KPNA3: variants seen among roughly 807,000 people sequenced by gnomAD.
KPNA3 encodes karyopherin subunit alpha 3, also known as importin subunit alpha-4.
Under a neutral mutation model 73.8 loss-of-function variants are expected in KPNA3, and 13 were observed. The ratio of observed to expected loss-of-function variants is 0.18; its 90% CI spans 0.11 to 0.28. The LOEUF is 0.28. Ranked by LOEUF, KPNA3 falls within the 10% of genes least tolerant of loss-of-function variation. The pLI is 1.00. For missense variants in KPNA3, 360 were observed against 618.1 expected (o/e 0.58, Z 4.43); for synonymous variants, 186 against 206.9 (o/e 0.90, Z 0.87).
intron 10 of KPNA3, among the ~76,000 whole-genome samples, chr13:49,715,099 C>G (rs1954293373): frequency 6.6e-6 from 1 of 151,062 alleles, no homozygotes; most frequent in African/African-American, 2.4e-5. Flanking sequence ...GATAGAACAC[C>G]CAAAAAAGGA....
chr13:49,762,820 T>C (rs1433835654), intron 1 of KPNA3, among the ~76,000 whole-genome samples: 1 of 151,026 alleles, frequency 6.6e-6, no homozygotes, highest in Non-Finnish European at 1.5e-5. Context: ...CCTATGACCC[T>C]GCCAAATCCC....
At chr13:49,730,549 A>G (rs1458658291) in intron 6 of KPNA3, among the ~76,000 whole-genome samples, 8 of 139,472 alleles carry the variant, frequency 5.7e-5, no homozygotes, top group African/African-American at 2.2e-4. Context: ...AAAAAAAAAA[A>G]AAAAAAGAAC....
intron 6 of KPNA3, among the ~76,000 whole-genome samples, chr13:49,727,628 TA>T (rs1954422512): frequency 6.6e-6 from 1 of 151,948 alleles, no homozygotes; most frequent in Non-Finnish European, 1.5e-5. Flanking sequence ...AAAAACTCAT[TA>T]AAAATGTGTA....
intron 1 of KPNA3, among the ~76,000 whole-genome samples, chr13:49,787,265 CTGA>C (rs887781708): frequency 1.8e-4 from 27 of 152,066 alleles, no homozygotes; most frequent in Admixed American, 1.6e-3. Context: ...TGGCTCCTTG[CTGA>C]TAAGAAGGAA....
chr13:49,699,355 T>A lies in KPNA3; in HGVS notation c.*2445A>T, dbSNP rs529588693. The A allele has an allele frequency of 4.6e-5, 7 of 152,758 alleles. 1 individual carries two copies. The South Asian group carries it at 1.5e-3, about 32-fold the overall frequency. The allele number at this position is 152,758 out of a possible 1,614,324, so 9.5% of individuals were successfully genotyped here. Reference sequence around the variant, plus strand: ...TTTGATAGCAGCTTTTTTTATTGGTTACAAAACCTAAGCCCATATACAAAA... The same window carrying A: ...TTTGATAGCAGCTTTTTTTATTGGTAACAAAACCTAAGCCCATATACAAAA... On this transcript the variant is annotated 3_prime_UTR_variant, in exon 17 of 17. Coordinates refer to ENST00000261667, the MANE Select transcript of KPNA3 (RefSeq NM_002267.4).
intron 10 of KPNA3, among the ~76,000 whole-genome samples, chr13:49,715,178 T>A (rs1451721820): frequency 6.6e-6 from 1 of 151,944 alleles, no homozygotes; most frequent in East Asian, 1.9e-4. Context: ...TTAAAAAAAA[T>A]TGATGAATTT....
chr13:49,760,772 G>C (rs139997462), intron 1 of KPNA3, among the ~76,000 whole-genome samples: 7 of 152,268 alleles, frequency 4.6e-5, no homozygotes, highest in Middle Eastern at 3.4e-3. Context: ...GGTATTTCCT[G>C]AAGAGACTGG....
At chr13:49,768,140 G>A (rs759781987) in intron 1 of KPNA3, among the ~76,000 whole-genome samples, 1 of 151,918 alleles carries the variant, frequency 6.6e-6, no homozygotes, top group Admixed American at 6.6e-5. Flanking sequence ...TTAGCCGGGC[G>A]TGGTGGCAGG....
intron 1 of KPNA3, among the ~76,000 whole-genome samples, chr13:49,765,620 G>A (rs757794350): frequency 6.6e-6 from 1 of 152,152 alleles, no homozygotes; most frequent in Non-Finnish European, 1.5e-5. Flanking sequence ...ACAGGCATGA[G>A]CCACCGCGCC....
At position 49,792,521 on chromosome 13, in the gene KPNA3, C is replaced by G. The variant is rs1443450261; in HGVS notation, c.-15G>C. Reference sequence around the variant, plus strand: ...TTCTCGGCCATGGCTGCGCGCGGCTCCGGCGGCGGCTACTCCTGCGGCTGC... The same window carrying G: ...TTCTCGGCCATGGCTGCGCGCGGCTGCGGCGGCGGCTACTCCTGCGGCTGC... On this transcript the variant is annotated 5_prime_UTR_variant, in exon 1 of 17. Transcript: ENST00000261667. 2.6e-6 allele frequency: 4 copies of G among 1,534,332 alleles called. No individual in the cohort carries two copies. The highest frequency in any genetic ancestry group is 3.5e-4 in the Middle Eastern group (2 of 5,766).
At chr13:49,791,820 A>C (rs1955035294) in intron 1 of KPNA3, among the ~76,000 whole-genome samples, 1 of 152,168 alleles carries the variant, frequency 6.6e-6, no homozygotes, top group African/African-American at 2.4e-5. Context: ...GACTAGTCCA[A>C]AGACGAGCAC....
At chr13:49,780,841 C>T (rs1954935416) in intron 1 of KPNA3, among the ~76,000 whole-genome samples, 1 of 151,446 alleles carries the variant, frequency 6.6e-6, no homozygotes, top group African/African-American at 2.4e-5. Flanking sequence ...CTGCCTCAGC[C>T]TCTGAAGCAG....
intron 1 of KPNA3, among the ~76,000 whole-genome samples, chr13:49,759,445 T>C (rs975640861): frequency 7.2e-5 from 11 of 152,206 alleles, no homozygotes; most frequent in African/African-American, 1.9e-4. Flanking sequence ...TTCAAGTGCA[T>C]GACATTTATT....
At chr13:49,770,258 C>A (rs1954842474) in intron 1 of KPNA3, among the ~76,000 whole-genome samples, 1 of 149,266 alleles carries the variant, frequency 6.7e-6, no homozygotes, top group South Asian at 2.1e-4. Context: ...TTGCTGCAGC[C>A]TCAACCTCCT....
At position 49,792,562 on chromosome 13, in the gene KPNA3, G is replaced by T. The variant is rs1955045643; in HGVS notation, c.-56C>A. Reference sequence around the variant, plus strand: ...CTGCGGCTGCGGCGGCGGCGGCGGCGAATCTTGGAGCGGGAGGGGGAGGAG... The same window carrying T: ...CTGCGGCTGCGGCGGCGGCGGCGGCTAATCTTGGAGCGGGAGGGGGAGGAG... On this transcript the variant is annotated 5_prime_UTR_variant, in exon 1 of 17. Coordinates refer to ENST00000261667, the MANE Select transcript of KPNA3 (RefSeq NM_002267.4). 3.7e-6 allele frequency: 3 copies of T among 816,658 alleles called. No homozygotes were observed. The highest frequency in any genetic ancestry group is 3.9e-5 in the African/African-American group (2 of 51,526). The allele number at this position is 816,658 out of a possible 1,614,324, so 50.6% of individuals were successfully genotyped here. A position where few individuals can be genotyped will look rare whatever the true frequency, so the allele number is the denominator to read the frequency against.
intron 6 of KPNA3, among the ~76,000 whole-genome samples, chr13:49,728,189 C>T (rs1188105332): frequency 1.3e-5 from 2 of 149,028 alleles, no homozygotes; most frequent in African/African-American, 2.5e-5. Flanking sequence ...GAGCTGATAT[C>T]GTGCCACTGC....
chr13:49,792,010 G>A (rs1209416358), intron 1 of KPNA3, among the ~76,000 whole-genome samples: 2 of 152,220 alleles, frequency 1.3e-5, no homozygotes, highest in Admixed American at 6.5e-5. Context: ...AGCCGCGCGG[G>A]AGGCGCAGAG....
At chr13:49,761,889 C>T (rs1594454715) in intron 1 of KPNA3, among the ~76,000 whole-genome samples, 1 of 146,104 alleles carries the variant, frequency 6.8e-6, no homozygotes, top group Non-Finnish European at 1.5e-5. Flanking sequence ...TGCCCAGCCA[C>T]GACTCCGTCT....
chr13:49,719,499 G>A (rs867659808), intron 10 of KPNA3, among the ~76,000 whole-genome samples: 1 of 152,002 alleles, frequency 6.6e-6, no homozygotes, highest in Non-Finnish European at 1.5e-5. Flanking sequence ...AGGTTTTACC[G>A]CTTTACAAAT....
Sources: gnomAD v4.1 joint callset for allele counts (sites outside exome capture counted in the v4.1 genomes callset) on GRCh38, gnomAD v4.1.1 for gene constraint, MANE v1.5 for transcripts, NCBI Gene and HGNC (gene_info 2026-07-23, HGNC 2026-07-21) for gene names.